The following SYT15B variants were observed in gnomAD, a reference collection of about 807,000 sequenced individuals.
SYT15B encodes synaptotagmin 15B.
At chr10:47,750,734 G>T in the SYT15B span, 1 of 143,432 alleles carries the variant, frequency 7.0e-6, no homozygotes, top group African/African-American at 2.6e-5. Context: ...CACTGAGCTC[G>T]ACTTAAATCT....
At chr10:47,745,036 G>T in the SYT15B span, among the ~76,000 whole-genome samples, 4 of 151,786 alleles carry the variant, frequency 2.6e-5, no homozygotes, top group African/African-American at 9.7e-5. Flanking sequence ...TTGGCTCCAG[G>T]CATTGGGCGG....
At chr10:47,751,163 G>A in the SYT15B span, 1 of 151,922 alleles carries the variant, frequency 6.6e-6, no homozygotes, top group Admixed American at 6.6e-5. Flanking sequence ...GGATGGACAA[G>A]AATACCCACT....
chr10:47,748,637 C>T, the SYT15B span, among the ~76,000 whole-genome samples: 1 of 152,214 alleles, frequency 6.6e-6, no homozygotes, highest in Non-Finnish European at 1.5e-5. Flanking sequence ...TCCCTCTCTC[C>T]TCCTTCCTGC....
At chr10:47,763,203 C>A in the SYT15B span, 1 of 988,816 alleles carries the variant, frequency 1.0e-6, no homozygotes, top group African/African-American at 1.7e-5. Flanking sequence ...GGGTCCCGGG[C>A]CCCAGCGCTG....
the SYT15B span, among the ~76,000 whole-genome samples, chr10:47,756,552 C>T: frequency 3.5e-5 from 5 of 144,092 alleles, no homozygotes; most frequent in African/African-American, 1.3e-4. Flanking sequence ...CCCAGGCCCC[C>T]TGGGGCCCCT....
chr10:47,756,812 C>T, the SYT15B span, among the ~76,000 whole-genome samples: 2 of 143,538 alleles, frequency 1.4e-5, no homozygotes, highest in East Asian at 2.3e-4. Flanking sequence ...CCCATTGAGT[C>T]GGGGGCTCTT....
the SYT15B span, among the ~76,000 whole-genome samples, chr10:47,749,455 G>A: frequency 6.7e-6 from 1 of 149,162 alleles, no homozygotes; most frequent in Non-Finnish European, 1.5e-5. Context: ...TGTCTCGTTA[G>A]GTGTAAAATA....
the SYT15B span, chr10:47,753,196 A>C: frequency 1.1e-6 from 1 of 937,048 alleles, no homozygotes; most frequent in Non-Finnish European, 1.3e-6. Context: ...TACACAAAAC[A>C]ACGTGTTGAC....
chr10:47,745,740 T>C, the SYT15B span, among the ~76,000 whole-genome samples: 7 of 134,654 alleles, frequency 5.2e-5, no homozygotes, highest in African/African-American at 1.8e-4. Context: ...GCATGGTTCA[T>C]TGCGTTGTCC....
chr10:47,762,184 C>G, the SYT15B span, among the ~76,000 whole-genome samples: 3 of 151,502 alleles, frequency 2.0e-5, no homozygotes, highest in Non-Finnish European at 4.4e-5. Context: ...AAGGTGAGCA[C>G]GCGCTTAGGG....
chr10:47,754,963 CT>C, the SYT15B span, among the ~76,000 whole-genome samples: 64,941 of 74,950 alleles, frequency 0.87, 27,682 homozygotes, highest in East Asian at 0.98. Flanking sequence ...CTTTTCTTTT[CT>C]TTTTTTTTTT....
the SYT15B span, chr10:47,763,071 A>C: frequency 2.0e-6 from 2 of 1,017,658 alleles, no homozygotes; most frequent in South Asian, 6.5e-5. Flanking sequence ...GACCCCTCAC[A>C]CCTGGTGGCC....
the SYT15B span, among the ~76,000 whole-genome samples, chr10:47,757,525 T>C: frequency 1.6e-4 from 12 of 76,768 alleles, 2 homozygotes; most frequent in Admixed American, 1.4e-3. Context: ...TGCAGTCCTG[T>C]GGACCACAGC....
At chr10:47,753,129 A>G in the SYT15B span, 1,138 of 980,704 alleles carry the variant, frequency 1.2e-3, 1 homozygote, top group Non-Finnish European at 1.3e-3. Context: ...AATAAAAAAA[A>G]AAAAGAAAAA....
the SYT15B span, among the ~76,000 whole-genome samples, chr10:47,755,342 G>A: frequency 2.7e-4 from 41 of 152,034 alleles, no homozygotes; most frequent in Admixed American, 8.5e-4. Context: ...TGCAAGCTCC[G>A]CCTCCCAGGC....
At chr10:47,751,116 A>G in the SYT15B span, 2 of 151,622 alleles carry the variant, frequency 1.3e-5, no homozygotes, top group African/African-American at 4.9e-5. Flanking sequence ...AATATTGACA[A>G]CTCTCCACAT....
chr10:47,762,232 A>C, the SYT15B span, among the ~76,000 whole-genome samples: 1 of 152,030 alleles, frequency 6.6e-6, no homozygotes, highest in Non-Finnish European at 1.5e-5. Context: ...GGGGAGGAAG[A>C]GGGGGCAAGG....
the SYT15B span, among the ~76,000 whole-genome samples, chr10:47,749,110 C>G: frequency 1.2e-5 from 1 of 80,890 alleles, no homozygotes; most frequent in South Asian, 4.8e-4. Context: ...TGGTGCCTGC[C>G]TGTAGTCCCG....
At chr10:47,762,665 C>CGCA in the SYT15B span, 2 of 826,252 alleles carry the variant, frequency 2.4e-6, no homozygotes, top group South Asian at 5.1e-5. Context: ...AGGCTGGTCT[C>CGCA]GCCGGTCTGG....
Sources: gnomAD v4.1 joint callset for allele counts (sites outside exome capture counted in the v4.1 genomes callset) on GRCh38, gnomAD v4.1.1 for gene constraint, MANE v1.5 for transcripts, NCBI Gene and HGNC (gene_info 2026-07-23, HGNC 2026-07-21) for gene names.